The following CPNE8 variants were observed in gnomAD, a reference collection of about 807,000 sequenced individuals.
CPNE8 encodes the protein copine 8.
CPNE8 carries 45 observed loss-of-function variants against 81.5 expected under a neutral mutation model. That is an observed-to-expected ratio of 0.55 (90% CI 0.44 to 0.71). The LOEUF (loss-of-function observed/expected upper bound fraction) is 0.71. Ranked by LOEUF, CPNE8 falls within the 30% of genes least tolerant of loss-of-function variation. The pLI, the probability that CPNE8 is intolerant of heterozygous loss-of-function variation, is 0.00. For synonymous variants in CPNE8, 252 were observed against 226.3 expected (o/e 1.11, Z -1.02); for missense variants, 594 against 672.1 (o/e 0.88, Z 1.28).
At chr12:38,689,907 C>A (rs1327588772) in intron 15 of CPNE8, among the ~76,000 whole-genome samples, 1 of 152,150 alleles carries the variant, frequency 6.6e-6, no homozygotes, top group Non-Finnish European at 1.5e-5. Context: ...CTTTTCATAA[C>A]CATAAGTCTT....
intron 3 of CPNE8, among the ~76,000 whole-genome samples, chr12:38,868,900 CTTCAAATACAGCCTTGGCT>C (rs1287342388): frequency 6.6e-6 from 1 of 152,132 alleles, no homozygotes; most frequent in Admixed American, 6.6e-5. Flanking sequence ...TGGCAGCCCT[CTTCAAATACAGCCTTGGCT>C]TTCCAATGGT....
chr12:38,660,084 T>C (rs975286072), intron 19 of CPNE8, among the ~76,000 whole-genome samples: 2 of 152,196 alleles, frequency 1.3e-5, no homozygotes, highest in Non-Finnish European at 2.9e-5. Context: ...AAGCTACCGA[T>C]GACTTTCTTC....
At chr12:38,809,635 C>A (rs530685156) in intron 6 of CPNE8, among the ~76,000 whole-genome samples, 1 of 152,102 alleles carries the variant, frequency 6.6e-6, no homozygotes, top group Non-Finnish European at 1.5e-5. Context: ...CATGGTCCTC[C>A]CATATAAAAA....
chr12:38,817,816 G>C (rs1943051992), intron 6 of CPNE8, among the ~76,000 whole-genome samples: 1 of 151,742 alleles, frequency 6.6e-6, no homozygotes, highest in Non-Finnish European at 1.5e-5. Flanking sequence ...GTAGAGACAG[G>C]GTTTCACTGT....
At chr12:38,873,524 G>T (rs1944021755) in intron 2 of CPNE8, among the ~76,000 whole-genome samples, 1 of 152,110 alleles carries the variant, frequency 6.6e-6, no homozygotes, top group Non-Finnish European at 1.5e-5. Flanking sequence ...TGTCAACCAA[G>T]AAAGGAATTC....
chr12:38,692,142 A>G (rs1465951654), intron 15 of CPNE8, among the ~76,000 whole-genome samples: 12 of 151,992 alleles, frequency 7.9e-5, no homozygotes, highest in Admixed American at 7.9e-4. Context: ...AAATACAAAA[A>G]TTAGCCAGGT....
chr12:38,755,598 GA>G (rs980355029), intron 10 of CPNE8, among the ~76,000 whole-genome samples: 1 of 150,168 alleles, frequency 6.7e-6, no homozygotes, highest in South Asian at 2.1e-4. Context: ...CTCAAAAAAA[GA>G]AAAAAAAAGA....
intron 6 of CPNE8, among the ~76,000 whole-genome samples, chr12:38,783,451 A>G (rs1300514173): frequency 6.6e-6 from 1 of 152,114 alleles, no homozygotes; most frequent in East Asian, 1.9e-4. Flanking sequence ...TGCTGAGAAC[A>G]TTTCCGTGTG....
intron 15 of CPNE8, among the ~76,000 whole-genome samples, chr12:38,691,814 G>C (rs1939681418): frequency 6.6e-6 from 1 of 152,196 alleles, no homozygotes; most frequent in Admixed American, 6.5e-5. Context: ...GCAGAAGGCA[G>C]GGCGAGCTGA....
intron 6 of CPNE8, among the ~76,000 whole-genome samples, chr12:38,783,180 A>G (rs73109203): frequency 0.044 from 6,711 of 152,280 alleles, 507 homozygotes; most frequent in African/African-American, 0.15. Context: ...TTTAGGACAT[A>G]GATAAGACTG....
At chr12:38,884,962 T>C (rs1944217815) in intron 1 of CPNE8, among the ~76,000 whole-genome samples, 1 of 152,070 alleles carries the variant, frequency 6.6e-6, no homozygotes. Flanking sequence ...AACTCTACAG[T>C]CTAACACACA....
At chr12:38,772,704 G>A (rs1323901715) in intron 7 of CPNE8, among the ~76,000 whole-genome samples, 1 of 152,128 alleles carries the variant, frequency 6.6e-6, no homozygotes, top group Non-Finnish European at 1.5e-5. Flanking sequence ...GAAAATAGTA[G>A]GAGGTTCCTC....
intron 5 of CPNE8, among the ~76,000 whole-genome samples, chr12:38,836,175 G>A (rs1219930810): frequency 1.3e-5 from 2 of 152,080 alleles, no homozygotes; most frequent in African/African-American, 4.8e-5. Flanking sequence ...GCCATATTTT[G>A]TTCACAGGGC....
At chr12:38,740,109 T>C (rs1157122782) in intron 10 of CPNE8, among the ~76,000 whole-genome samples, 2 of 152,206 alleles carry the variant, frequency 1.3e-5, no homozygotes, top group Non-Finnish European at 2.9e-5. Flanking sequence ...AACATAAATC[T>C]TCACATCCCT....
chr12:38,800,008 G>A (rs1470651815), intron 6 of CPNE8, among the ~76,000 whole-genome samples: 1 of 141,932 alleles, frequency 7.0e-6, no homozygotes, highest in African/African-American at 2.5e-5. Flanking sequence ...AGGGTCCTAC[G>A]CCCACGGAAT....
At chr12:38,702,128 C>A (rs1168873391) in intron 14 of CPNE8, among the ~76,000 whole-genome samples, 2 of 151,898 alleles carry the variant, frequency 1.3e-5, no homozygotes, top group African/African-American at 2.4e-5. Flanking sequence ...GATCCATAGA[C>A]AATAAGCCAT....
intron 7 of CPNE8, among the ~76,000 whole-genome samples, chr12:38,770,356 A>G (rs1941776664): frequency 6.6e-6 from 1 of 152,124 alleles, no homozygotes; most frequent in African/African-American, 2.4e-5. Flanking sequence ...ATTTACCTCT[A>G]AAATTTTGCT....
At chr12:38,815,233 C>T (rs1296369319) in intron 6 of CPNE8, among the ~76,000 whole-genome samples, 2 of 152,178 alleles carry the variant, frequency 1.3e-5, no homozygotes, top group African/African-American at 4.8e-5. Flanking sequence ...GCACATTTTC[C>T]TTTTCTGCTC....
chr12:38,739,157 A>ATT (rs1182435518), intron 10 of CPNE8, among the ~76,000 whole-genome samples: 5 of 152,122 alleles, frequency 3.3e-5, no homozygotes, highest in Non-Finnish European at 5.9e-5. Context: ...AACTTCTTAG[A>ATT]TTTTGTGATA....
Sources: gnomAD v4.1 joint callset for allele counts (sites outside exome capture counted in the v4.1 genomes callset) on GRCh38, gnomAD v4.1.1 for gene constraint, MANE v1.5 for transcripts, NCBI Gene and HGNC (gene_info 2026-07-23, HGNC 2026-07-21) for gene names.